Variants in SDK1 observed in about 807,000 individuals in gnomAD.
SDK1 encodes the protein sidekick cell adhesion molecule 1.
SDK1 carries 157 observed loss-of-function variants against 245.5 expected under a neutral mutation model. That is an observed-to-expected ratio of 0.64 (90% CI 0.56 to 0.73). SDK1 has a LOEUF of 0.73. SDK1 is among the 30% of genes least tolerant of loss of function. The probability of loss-of-function intolerance (pLI) is 0.00; values close to 1 mark genes in which losing one functional copy is unlikely to be tolerated. For synonymous variants in SDK1, 1,647 were observed against 1,278.5 expected, an observed-to-expected ratio of 1.29 and a Z score of -6.15; for missense variants, 3,583 against 3,002.3, an observed-to-expected ratio of 1.19 and a Z score of -4.52.
intron 1 of SDK1, among the ~76,000 whole-genome samples, chr7:3,563,180 A>G (rs930201822): frequency 6.6e-6 from 1 of 152,176 alleles, no homozygotes; most frequent in Non-Finnish European, 1.5e-5. Context: ...TAGCCAATCA[A>G]AAATAGGAAA....
At chr7:4,211,521 G>A (rs562057743) in intron 38 of SDK1, among the ~76,000 whole-genome samples, 11 of 152,256 alleles carry the variant, frequency 7.2e-5, no homozygotes, top group Admixed American at 4.6e-4. Flanking sequence ...TGGGGGTTGC[G>A]GGCAGGTGGC....
At chr7:3,551,620 A>C (rs992787561) in intron 1 of SDK1, among the ~76,000 whole-genome samples, 5 of 151,964 alleles carry the variant, frequency 3.3e-5, no homozygotes, top group Non-Finnish European at 5.9e-5. Flanking sequence ...CAGAAACATC[A>C]ATTTGGCTGA....
At chr7:4,008,307 G>C (rs575163764) in intron 14 of SDK1, among the ~76,000 whole-genome samples, 2 of 152,328 alleles carry the variant, frequency 1.3e-5, no homozygotes, top group East Asian at 1.9e-4. Context: ...AGTTGGGTTT[G>C]TTAGGAATAA....
chr7:3,615,573 C>T (rs1400567437), intron 1 of SDK1, among the ~76,000 whole-genome samples: 1 of 151,704 alleles, frequency 6.6e-6, no homozygotes, highest in Non-Finnish European at 1.5e-5. Context: ...GTGTCTTACA[C>T]TTTGTATTCT....
intron 1 of SDK1, among the ~76,000 whole-genome samples, chr7:3,591,043 T>G (rs1250541651): frequency 1.3e-5 from 2 of 152,174 alleles, no homozygotes; most frequent in African/African-American, 4.8e-5. Flanking sequence ...ATGTGCAAAG[T>G]TAAGAACAAC....
intron 4 of SDK1, among the ~76,000 whole-genome samples, chr7:3,808,946 T>C (rs537469173): frequency 9.2e-5 from 14 of 152,336 alleles, no homozygotes; most frequent in Middle Eastern, 3.4e-3. Context: ...TCCCTGTAGT[T>C]AGGGGAGCCT....
intron 17 of SDK1, among the ~76,000 whole-genome samples, chr7:4,045,223 A>G (rs1015580605): frequency 4.6e-5 from 7 of 151,976 alleles, no homozygotes; most frequent in East Asian, 1.9e-4. Context: ...TAAAGCTGCT[A>G]TGAATATCAC....
chr7:3,877,359 G>C (rs755465300), intron 5 of SDK1, among the ~76,000 whole-genome samples: 14 of 152,184 alleles, frequency 9.2e-5, no homozygotes, highest in Non-Finnish European at 1.5e-5. Flanking sequence ...CTTGCACATA[G>C]TAGGCCCTCA....
At chr7:3,688,004 A>G (rs369567525) in intron 4 of SDK1, among the ~76,000 whole-genome samples, 6 of 152,178 alleles carry the variant, frequency 3.9e-5, no homozygotes, top group Admixed American at 1.3e-4. Context: ...AGAAGGTTCT[A>G]TTTCCAAAGA....
intron 4 of SDK1, among the ~76,000 whole-genome samples, chr7:3,764,522 C>T (rs952840516): frequency 2.0e-5 from 3 of 152,032 alleles, no homozygotes; most frequent in Non-Finnish European, 4.4e-5. Flanking sequence ...CCCGCCTCTA[C>T]TAATAATACA....
intron 4 of SDK1, among the ~76,000 whole-genome samples, chr7:3,739,305 T>C (rs13225994): frequency 0.33 from 49,973 of 152,114 alleles, 11,492 homozygotes; most frequent in African/African-American, 0.65. Context: ...GTTTTTGAGC[T>C]GCTTACATAT....
intron 38 of SDK1, among the ~76,000 whole-genome samples, chr7:4,219,146 G>A (rs1784999329): frequency 6.6e-6 from 1 of 152,174 alleles, no homozygotes. Context: ...TACTTGCAGT[G>A]AAATTAATTA....
At chr7:3,345,121 A>G (rs1780459306) in intron 1 of SDK1, among the ~76,000 whole-genome samples, 1 of 152,212 alleles carries the variant, frequency 6.6e-6, no homozygotes, top group South Asian at 2.1e-4. Context: ...ATGTGGTTTG[A>G]TCACTGCTGC....
chr7:3,752,899 G>T (rs912499716), intron 4 of SDK1, among the ~76,000 whole-genome samples: 2 of 152,132 alleles, frequency 1.3e-5, no homozygotes, highest in Non-Finnish European at 1.5e-5. Flanking sequence ...TGTAATAAAT[G>T]TATAATAAGT....
At chr7:4,139,953 A>G (rs1294456983) in intron 28 of SDK1, among the ~76,000 whole-genome samples, 1 of 152,112 alleles carries the variant, frequency 6.6e-6, no homozygotes, top group Non-Finnish European at 1.5e-5. Flanking sequence ...CTCCCTGAAC[A>G]ACAAGACCCC....
intron 1 of SDK1, among the ~76,000 whole-genome samples, chr7:3,459,844 A>G: frequency 6.6e-6 from 1 of 152,192 alleles, no homozygotes; most frequent in Admixed American, 6.5e-5. Flanking sequence ...GGATTCCTTG[A>G]ATAGAAAAGG....
chr7:3,962,663 C>G lies in SDK1; in HGVS notation c.1241C>G (p.Pro414Arg), dbSNP rs756852528. The G allele has an allele frequency of 7.5e-6, 12 of 1,607,490 alleles. No individual in the cohort carries two copies. The Admixed American group carries it at 2.0e-4, about 27-fold the overall frequency. ...VDIGCQAMGV[P>R]LPTLQWYKDA... ...TATTCCCATTCCTACGCAGGGGTCC[C>G]CCTTCCCACCCTCCAGTGGTACAAG... Residue 414 changes from proline (P) to arginine (R), a missense_variant, in exon 9 of 45, where the codon CCC (proline) becomes CGC (arginine). Coordinates refer to ENST00000404826, the MANE Select transcript of SDK1 (RefSeq NM_152744.4).
intron 4 of SDK1, among the ~76,000 whole-genome samples, chr7:3,774,910 C>T (rs1205536348): frequency 1.3e-5 from 2 of 152,166 alleles, no homozygotes; most frequent in Non-Finnish European, 2.9e-5. Context: ...TCATGCATTC[C>T]TGTGAGGGAA....
chr7:3,506,301 T>C (rs1782390641), intron 1 of SDK1, among the ~76,000 whole-genome samples: 1 of 152,168 alleles, frequency 6.6e-6, no homozygotes, highest in South Asian at 2.1e-4. Flanking sequence ...AAGATGTTCT[T>C]CTATTGTCTT....
Sources: gnomAD v4.1 joint callset for allele counts (sites outside exome capture counted in the v4.1 genomes callset) on GRCh38, gnomAD v4.1.1 for gene constraint, MANE v1.5 for transcripts, NCBI Gene and HGNC (gene_info 2026-07-23, HGNC 2026-07-21) for gene names.